COL6A1: variants seen among roughly 807,000 people sequenced by gnomAD.
COL6A1 encodes collagen type VI alpha 1 chain.
Under a neutral mutation model 145.6 loss-of-function variants are expected in COL6A1, and 80 were observed. That is an observed-to-expected ratio of 0.55 (90% CI 0.46 to 0.66). The LOEUF is 0.66. Ranked by LOEUF, COL6A1 falls within the 30% of genes least tolerant of loss-of-function variation. The probability of loss-of-function intolerance (pLI) is 0.00; values close to 1 mark genes in which losing one functional copy is unlikely to be tolerated. For synonymous variants in COL6A1, 638 were observed against 622.8 expected (o/e 1.02, Z -0.36); for missense variants, 1,364 against 1,473.8 (o/e 0.93, Z 1.22).
At chr21:46,002,751 G>T in intron 33 of COL6A1, 41 bp downstream of exon 33, 2 of 1,555,984 alleles carry the variant, frequency 1.3e-6, no homozygotes, top group Non-Finnish European at 1.7e-6. Flanking sequence ...ATCTGCGTAG[G>T]TGCGCGCGGG....
At chr21:45,986,365 T>C (rs1257773035) in intron 3 of COL6A1, among the ~76,000 whole-genome samples, 161 bp from the exon 4 acceptor site, 2 of 152,144 alleles carry the variant, frequency 1.3e-5, no homozygotes, top group East Asian at 1.9e-4. Context: ...TTATTTCCCA[T>C]GGTGAGGTTC....
At position 45,990,428 on chromosome 21, in the gene COL6A1, T is replaced by TG; in HGVS notation, c.1002+12dup. On this transcript the variant is annotated splice_region_variant and intron_variant, in intron 13 of 34. Transcript: ENST00000361866. ...ACGGGGTGGACGGCGTGAAGGTGACTGGGGGGAGATAGGATGGACGGGGAG... is the reference window on the plus strand; with the variant it reads ...ACGGGGTGGACGGCGTGAAGGTGACTGGGGGGGAGATAGGATGGACGGGGAG... The TG allele has an allele frequency of 9.6e-7, 1 of 1,043,958 alleles. No homozygotes were observed. The highest frequency in any genetic ancestry group is 8.1e-5 in the East Asian group (1 of 12,422). 64.7% of individuals were successfully genotyped at this position (1,043,958 alleles called of 1,614,324 possible).
chr21:45,982,071 C>T (rs1044567418), intron 1 of COL6A1, 124 bp downstream of exon 1: 1 of 821,698 alleles, frequency 1.2e-6, no homozygotes, highest in African/African-American at 1.7e-5. Flanking sequence ...CCCTGAACCC[C>T]ACTCCCCGCT....
intron 21 of COL6A1, 106 bp from the exon 22 acceptor site, chr21:45,997,594 G>A: frequency 6.5e-7 from 1 of 1,533,908 alleles, no homozygotes; most frequent in Non-Finnish European, 8.9e-7. Context: ...ATGGCCCTGG[G>A]TGTCCTGGCT....
In COL6A1 at chr21:45,984,444, A is replaced by C. The variant is rs774261368; in HGVS notation, c.403A>C (p.Lys135Gln). The change falls in exon 3 of 35, where the codon AAG becomes CAG. Residue 135 changes from lysine (K) to glutamine (Q), a missense_variant. Physicochemically the swap from Lys to Gln is moderately conservative, Grantham distance 53. Coordinates refer to ENST00000361866, the MANE Select transcript of COL6A1 (RefSeq NM_001848.3). ...KGTYTDCAIK[K>Q]GLEQLLVGGS... ...CACCTACACCGACTGCGCTATCAAG[A>C]AGGGGCTGGAGCAGCTCCTCGTGGG... 2.5e-6 allele frequency: 4 copies of C among 1,611,396 alleles called. No individual in the cohort carries two copies. The African/African-American group carries it at 5.3e-5, about 22-fold the overall frequency.
At position 45,990,423 on chromosome 21, in the gene COL6A1, GT is replaced by G; in HGVS notation, c.1002+2del. 6.3e-7 allele frequency: 1 copy of G among 1,595,686 alleles called. No homozygotes were observed. The highest frequency in any genetic ancestry group is 8.6e-7 in the Non-Finnish European group (1 of 1,169,470). The stretch of plus-strand genomic sequence containing the variant: ...CATCGACGGGGTGGACGGCGTGAAG[GT>G]GACTGGGGGGAGATAGGATGGACGG... On this transcript the variant is annotated splice_donor_variant, in intron 13 of 34. Transcript: ENST00000361866. LOFTEE classifies it high-confidence loss of function.
intron 15 of COL6A1, 31 bp downstream of exon 15, chr21:45,991,072 G>A: frequency 3.1e-6 from 5 of 1,611,442 alleles, no homozygotes; most frequent in Non-Finnish European, 4.2e-6. Context: ...GGAGGACCAG[G>A]GCCTTCACGG....
rs1011015401 is a variant in COL6A1, at chr21:45,998,026, G to A, written c.1525-95G>A. On this transcript the variant is annotated intron_variant, in intron 22 of 34. Transcript: ENST00000361866. ...GGAGCCGGCTTCTGGGCTGACGGAGGGGCCCTGCGGGTGAGGTGCTCCCGG... is the reference window on the plus strand; with the variant it reads ...GGAGCCGGCTTCTGGGCTGACGGAGAGGCCCTGCGGGTGAGGTGCTCCCGG... The A allele has an allele frequency of 2.0e-6, 3 of 1,474,374 alleles. No homozygotes were observed. The African/African-American group carries it at 4.2e-5, about 21-fold the overall frequency. The allele number at this position is 1,474,374 out of a possible 1,614,324, so 91.3% of individuals were successfully genotyped here.
chr21:45,981,838 G>T lies in COL6A1; in HGVS notation c.-13G>T, dbSNP rs780156628. 2.0e-5 allele frequency: 31 copies of T among 1,567,382 alleles called. 2 individuals carry two copies. In the Middle Eastern group the frequency reaches 8.7e-4, roughly 44 times the overall value. ...GCCCTGGCCGCGCTGTGTGGTGACC[G>T]CAGGCCCCAGACATGAGGGCGGCCC... On this transcript the variant is annotated 5_prime_UTR_variant, in exon 1 of 35. Transcript: ENST00000361866.
chr21:46,000,645 C>T lies in COL6A1; in HGVS notation c.1814-114C>T, dbSNP rs1355852557. On this transcript the variant is annotated intron_variant, in intron 28 of 34. Transcript: ENST00000361866. The stretch of plus-strand genomic sequence containing the variant: ...CAGGAGGCCGGGGAAGGGGGGAGGC[C>T]GGGGAAGGAGGGCGGCCGGGGAGGC... 1.3e-5 allele frequency: 16 copies of T among 1,229,444 alleles called. 1 individual carries two copies. Among genetic ancestry groups the T allele is most frequent in the Admixed American group, 6.5e-5 (3 of 46,390 alleles). The allele number at this position is 1,229,444 out of a possible 1,614,324, so 76.2% of individuals were successfully genotyped here. A position where few individuals can be genotyped will look rare whatever the true frequency, so the allele number is the denominator to read the frequency against.
chr21:45,992,534 A>G, intron 18 of COL6A1, 136 bp downstream of exon 18: 4 of 1,173,090 alleles, frequency 3.4e-6, no homozygotes, highest in Non-Finnish European at 4.9e-6. Context: ...CTTCACCCAC[A>G]CGTCCAGGAT....
intron 8 of COL6A1, 30 bp downstream of exon 8, chr21:45,987,684 G>A (rs1362639171): frequency 1.3e-6 from 2 of 1,597,382 alleles, no homozygotes; most frequent in South Asian, 2.2e-5. Flanking sequence ...CCTCCCATGT[G>A]TTGTGGGGCC....
chr21:45,983,391 G>A (rs187872060), intron 2 of COL6A1, among the ~76,000 whole-genome samples: 486 of 150,180 alleles, frequency 3.2e-3, no homozygotes, highest in African/African-American at 0.011. Flanking sequence ...GCACAGGGCC[G>A]CTGAGGGGGG....
intron 15 of COL6A1, 88 bp downstream of exon 15, chr21:45,991,129 T>A: frequency 6.2e-6 from 9 of 1,446,246 alleles, no homozygotes; most frequent in Non-Finnish European, 7.7e-6. Context: ...CAAGTCCTGG[T>A]CCGAGCATGT....
intron 21 of COL6A1, 82 bp from the exon 22 acceptor site, chr21:45,997,618 C>T: frequency 6.5e-7 from 1 of 1,546,112 alleles, no homozygotes; most frequent in Non-Finnish European, 8.8e-7. Flanking sequence ...GATGGGACCT[C>T]TCCCGGCCCC....
intron 3 of COL6A1, 28 bp downstream of exon 3, chr21:45,984,497 G>T (rs184742939): frequency 8.1e-6 from 13 of 1,601,118 alleles, no homozygotes; most frequent in Non-Finnish European, 1.0e-5. Flanking sequence ...TCCTGCCCAC[G>T]CCAGTTCTCA....
intron 20 of COL6A1, among the ~76,000 whole-genome samples, chr21:45,995,102 T>C (rs1039056347): frequency 2.6e-5 from 4 of 152,210 alleles, no homozygotes; most frequent in African/African-American, 9.7e-5. Context: ...CGAGGTGAAA[T>C]CGTGCTTTTG....
At chr21:45,990,687 G>T in intron 13 of COL6A1, 86 bp from the exon 14 acceptor site, 2 of 1,220,968 alleles carry the variant, frequency 1.6e-6, no homozygotes, top group Non-Finnish European at 2.4e-6. Flanking sequence ...GGTGTGGAGG[G>T]CATGGAGGGC....
Position 45,990,332 on chromosome 21 carries a change from T to C in COL6A1, c.958-46T>C, listed in dbSNP as rs374680323. 14 of 1,612,422 alleles carry C rather than the reference T, an allele frequency of 8.7e-6. No homozygotes were observed. In the African/African-American group the frequency reaches 1.7e-4, roughly 20 times the overall value. On this transcript the variant is annotated intron_variant, in intron 12 of 34. Transcript: ENST00000361866. ...GGGGAGTTCTGCCCCCACGGCAGCA[T>C]GTCTGACCTGCATCTGACTCCTGCC...
Sources: gnomAD v4.1 joint callset for allele counts (sites outside exome capture counted in the v4.1 genomes callset) on GRCh38, gnomAD v4.1.1 for gene constraint, MANE v1.5 for transcripts, NCBI Gene and HGNC (gene_info 2026-07-23, HGNC 2026-07-21) for gene names.